NUP210L: variants seen among roughly 807,000 people sequenced by gnomAD.
NUP210L encodes nuclear pore membrane glycoprotein 210-like.
NUP210L carries 74 observed loss-of-function variants against 208.5 expected under a neutral mutation model. The observed-to-expected ratio is 0.35, with a 90% CI of 0.29 to 0.43. The LOEUF (loss-of-function observed/expected upper bound fraction) is 0.43, where lower values mean the gene tolerates loss of function less well. Ranked by LOEUF, NUP210L falls within the 20% of genes least tolerant of loss-of-function variation. The probability of loss-of-function intolerance (pLI) is 1.00; values close to 1 mark genes in which losing one functional copy is unlikely to be tolerated. For synonymous variants in NUP210L, 780 were observed against 816.9 expected, an observed-to-expected ratio of 0.95 and a Z score of 0.77; for missense variants, 1,843 against 2,289.4, an observed-to-expected ratio of 0.81 and a Z score of 3.98.
chr1:154,023,875 G>A (rs1651701136), intron 30 of NUP210L, among the ~76,000 whole-genome samples: 1 of 151,262 alleles, frequency 6.6e-6, no homozygotes, highest in African/African-American at 2.4e-5. Context: ...TGCAACCTCC[G>A]CCTCCTGGGT....
intron 29 of NUP210L, among the ~76,000 whole-genome samples, chr1:154,026,217 C>T (rs913177923): frequency 2.0e-5 from 3 of 151,926 alleles, no homozygotes; most frequent in Non-Finnish European, 4.4e-5. Flanking sequence ...GCCTGGGGGA[C>T]AAGAGCAAAA....
chr1:154,060,389 C>T (rs2147996696), intron 20 of NUP210L, 151 bp downstream of exon 20: 1 of 534,628 alleles, frequency 1.9e-6, no homozygotes, highest in South Asian at 3.2e-5. Flanking sequence ...AAAAAGCACT[C>T]CCTTTTGGTT....
At chr1:154,091,965 A>G (rs985662696) in intron 15 of NUP210L, among the ~76,000 whole-genome samples, 2 of 152,068 alleles carry the variant, frequency 1.3e-5, no homozygotes, top group Non-Finnish European at 2.9e-5. Flanking sequence ...AAAGAAAAAT[A>G]CTACATGATT....
At chr1:154,134,948 A>G (rs1298114370) in intron 7 of NUP210L, among the ~76,000 whole-genome samples, 1 of 151,356 alleles carries the variant, frequency 6.6e-6, no homozygotes, top group Non-Finnish European at 1.5e-5. Flanking sequence ...ATGTTGGTCA[A>G]GCTGTTCTCA....
intron 27 of NUP210L, among the ~76,000 whole-genome samples, chr1:154,034,577 C>T (rs1018658886): frequency 1.7e-4 from 26 of 152,260 alleles, no homozygotes; most frequent in Admixed American, 3.3e-4. Context: ...GATCCACCTG[C>T]CTTGGCCTCC....
At chr1:154,149,552 T>A (rs1366455467) in intron 2 of NUP210L, among the ~76,000 whole-genome samples, 1 of 151,550 alleles carries the variant, frequency 6.6e-6, no homozygotes, top group African/African-American at 2.4e-5. Context: ...TTACAAAAAA[T>A]AAAAAAACTA....
intron 25 of NUP210L, among the ~76,000 whole-genome samples, chr1:154,051,201 G>A (rs1234669568): frequency 6.7e-6 from 1 of 148,444 alleles, no homozygotes; most frequent in Non-Finnish European, 1.5e-5. Flanking sequence ...AATATATAAT[G>A]CTAGACATTT....
intron 13 of NUP210L, among the ~76,000 whole-genome samples, chr1:154,103,458 C>G (rs10797030): frequency 0.27 from 40,468 of 149,802 alleles, 5,704 homozygotes; most frequent in Admixed American, 0.37. Flanking sequence ...GGATCACGAG[C>G]TCAGGAGATC....
intron 36 of NUP210L, 78 bp from the exon 37 acceptor site, chr1:154,001,138 T>C: frequency 1.8e-6 from 2 of 1,082,860 alleles, no homozygotes; most frequent in Non-Finnish European, 2.7e-6. Flanking sequence ...CTGAAACATA[T>C]ACAGTACAAT....
intron 10 of NUP210L, among the ~76,000 whole-genome samples, chr1:154,122,753 T>C (rs1338632780): frequency 1.3e-5 from 2 of 152,080 alleles, no homozygotes; most frequent in African/African-American, 4.8e-5. Flanking sequence ...GCAGCTACTG[T>C]AGAAAACAGT....
intron 16 of NUP210L, among the ~76,000 whole-genome samples, chr1:154,080,994 GA>G (rs767209045): frequency 1.1e-4 from 15 of 133,858 alleles, no homozygotes; most frequent in East Asian, 1.1e-3. Flanking sequence ...AAAAAGAAAA[GA>G]AAAAAAAAGA....
chr1:154,089,587 G>T, exon 16 of NUP210L: 2 of 1,613,946 alleles, frequency 1.2e-6, no homozygotes, highest in Non-Finnish European at 1.7e-6. Context: ...AATTCGGAAT[G>T]TGAGAACCTT....
At chr1:154,014,342 C>G (rs996765436) in intron 33 of NUP210L, among the ~76,000 whole-genome samples, 2 of 152,162 alleles carry the variant, frequency 1.3e-5, no homozygotes, top group African/African-American at 4.8e-5. Flanking sequence ...CCTGTAGCAT[C>G]TAACACCACA....
At chr1:154,065,207 G>C (rs1457849017) in intron 17 of NUP210L, among the ~76,000 whole-genome samples, 1 of 151,592 alleles carries the variant, frequency 6.6e-6, no homozygotes, top group East Asian at 1.9e-4. Flanking sequence ...ATCACTTCAG[G>C]CCAGGAGTTT....
chr1:154,032,997 G>GAAAAGAAA, intron 27 of NUP210L, among the ~76,000 whole-genome samples: 1 of 120,800 alleles, frequency 8.3e-6, no homozygotes, highest in African/African-American at 3.9e-5. Flanking sequence ...AGAAAAGAAA[G>GAAAAGAAA]AAAGAAAAAA....
chr1:154,089,676 T>C (rs1655805549), intron 15 of NUP210L, 82 bp from the exon 16 acceptor site: 3 of 1,185,716 alleles, frequency 2.5e-6, no homozygotes. Context: ...GTTAGAATTA[T>C]TCAAATTCCA....
At chr1:154,005,526 T>G (rs181841960) in intron 35 of NUP210L, among the ~76,000 whole-genome samples, 25 of 149,088 alleles carry the variant, frequency 1.7e-4, no homozygotes, top group African/African-American at 6.2e-4. Context: ...CCGCGCCCAG[T>G]GTTTGTTTGT....
Position 154,100,254 on chromosome 1 carries a change from C to T in NUP210L, c.1820-111G>A, listed in dbSNP as rs997373522. 11 of 921,604 alleles carry T rather than the reference C, an allele frequency of 1.2e-5. No homozygotes were observed. The East Asian group carries it at 1.7e-4, about 15-fold the overall frequency. 57.1% of individuals were successfully genotyped at this position (921,604 alleles called of 1,614,324 possible). A position where few individuals can be genotyped will look rare whatever the true frequency, so the allele number is the denominator to read the frequency against. ...TGCTTGAGCTCCGAAGTTTAAGACC[C>T]GCCTGAAAAACATGGTGAAACCCCG... On this transcript the variant is annotated intron_variant, in intron 13 of 39. Transcript: ENST00000368559.
At chr1:154,006,044 G>C (rs140497703) in intron 35 of NUP210L, among the ~76,000 whole-genome samples, 53 of 151,874 alleles carry the variant, frequency 3.5e-4, no homozygotes, top group African/African-American at 1.2e-3. Flanking sequence ...TTTTAGTAGA[G>C]ATGGGGTTTC....
Sources: gnomAD v4.1 joint callset for allele counts (sites outside exome capture counted in the v4.1 genomes callset) on GRCh38, gnomAD v4.1.1 for gene constraint, MANE v1.5 for transcripts, NCBI Gene and HGNC (gene_info 2026-07-23, HGNC 2026-07-21) for gene names.